The following GLG1 variants were observed in gnomAD, a reference collection of about 807,000 sequenced individuals.
GLG1 encodes Golgi apparatus protein 1.
A neutral mutation model predicts 160.5 loss-of-function variants in GLG1; 38 were observed. The ratio of observed to expected loss-of-function variants is 0.24; its 90% confidence interval spans 0.18 to 0.31. The LOEUF (loss-of-function observed/expected upper bound fraction) is 0.31, where lower values mean the gene tolerates loss of function less well. Ranked by LOEUF, GLG1 falls within the 10% of genes least tolerant of loss-of-function variation. GLG1 has a pLI of 1.00. For synonymous variants in GLG1, 644 were observed against 543.4 expected, an observed-to-expected ratio of 1.19 and a Z score of -2.57; for missense variants, 1,373 against 1,505.2, an observed-to-expected ratio of 0.91 and a Z score of 1.45.
intron 3 of GLG1, among the ~76,000 whole-genome samples, chr16:74,504,315 C>T (rs8046927): frequency 0.99 from 150,791 of 152,250 alleles, 74,707 homozygotes; most frequent in East Asian, 1. Flanking sequence ...TGAGGCAGAG[C>T]CTTGCTCTGT....
chr16:74,540,844 A>C (rs1367723700), intron 1 of GLG1, among the ~76,000 whole-genome samples: 1 of 152,222 alleles, frequency 6.6e-6, no homozygotes, highest in Admixed American at 6.5e-5. Flanking sequence ...CGGCAGGCAC[A>C]CAGCTATCAA....
chr16:74,452,494 G>C lies in GLG1; in HGVS notation c.*673C>G, dbSNP rs1597210175. On this transcript the variant is annotated 3_prime_UTR_variant, in exon 26 of 26. Transcript: ENST00000422840. ...GGAGACCACAGAAATACCCATGGCT[G>C]TGGGGCTGTGACCAGCAGTGGCTGA... The C allele has an allele frequency of 9.6e-7, 1 of 1,040,376 alleles. No homozygotes were observed. Among genetic ancestry groups the C allele is most frequent in the African/African-American group, 1.7e-5 (1 of 60,032 alleles). 64.4% of individuals were successfully genotyped at this position (1,040,376 alleles called of 1,614,324 possible).
intron 1 of GLG1, among the ~76,000 whole-genome samples, chr16:74,586,470 A>G (rs972677967): frequency 6.6e-6 from 1 of 152,006 alleles, no homozygotes; most frequent in Non-Finnish European, 1.5e-5. Context: ...TCCATTGGGC[A>G]ATGGAAAGAT....
intron 2 of GLG1, among the ~76,000 whole-genome samples, chr16:74,514,422 A>C (rs6564133): frequency 1.3e-5 from 2 of 152,328 alleles, no homozygotes; most frequent in South Asian, 4.1e-4. Context: ...GGGAAGCCCA[A>C]CAGACTAACA....
At chr16:74,521,748 G>A (rs192278508) in intron 2 of GLG1, among the ~76,000 whole-genome samples, 173 of 152,292 alleles carry the variant, frequency 1.1e-3, no homozygotes, top group Middle Eastern at 3.4e-3. Context: ...CAGGAGGACA[G>A]CATCAACTGT....
intron 1 of GLG1, among the ~76,000 whole-genome samples, chr16:74,542,620 C>A (rs1172195081): frequency 6.8e-6 from 1 of 146,304 alleles, no homozygotes; most frequent in African/African-American, 2.5e-5. Flanking sequence ...TGCAGTGAGC[C>A]GAGATTGCAT....
intron 25 of GLG1, among the ~76,000 whole-genome samples, chr16:74,456,151 T>C (rs1004845386): frequency 6.6e-6 from 1 of 152,230 alleles, no homozygotes; most frequent in Non-Finnish European, 1.5e-5. Flanking sequence ...GCTGGATTTC[T>C]TTCTTTTGCC....
chr16:74,576,347 A>G (rs927515644), intron 1 of GLG1, among the ~76,000 whole-genome samples: 2 of 152,218 alleles, frequency 1.3e-5, no homozygotes, highest in African/African-American at 4.8e-5. Context: ...AATACAGCCA[A>G]ACATTTTTCT....
chr16:74,457,513 G>C (rs991899749), intron 24 of GLG1, among the ~76,000 whole-genome samples: 2 of 152,160 alleles, frequency 1.3e-5, no homozygotes, highest in Admixed American at 6.6e-5. Flanking sequence ...CCTGTCTACT[G>C]AGTCCACTGT....
intron 2 of GLG1, among the ~76,000 whole-genome samples, chr16:74,515,390 T>C (rs891115991): frequency 1.4e-4 from 21 of 152,280 alleles, no homozygotes; most frequent in East Asian, 3.9e-4. Context: ...TATCACATAA[T>C]TGGAAGTAGA....
At chr16:74,598,868 C>A (rs1958369802) in intron 1 of GLG1, among the ~76,000 whole-genome samples, 1 of 151,134 alleles carries the variant, frequency 6.6e-6, no homozygotes, top group Non-Finnish European at 1.5e-5. Context: ...TGAGCAAGAG[C>A]GAAACTCCAC....
intron 10 of GLG1, among the ~76,000 whole-genome samples, chr16:74,480,862 T>C (rs534777888): frequency 2.3e-4 from 35 of 152,166 alleles, no homozygotes; most frequent in Non-Finnish European, 4.4e-4. Context: ...GTGAATTTTG[T>C]TCTTAATGAA....
At chr16:74,460,076 C>A (rs2014726521) in intron 22 of GLG1, among the ~76,000 whole-genome samples, 1 of 149,454 alleles carries the variant, frequency 6.7e-6, no homozygotes, top group South Asian at 2.1e-4. Flanking sequence ...GGCTGAAGTA[C>A]AATGGCACGA....
chr16:74,528,963 T>G (rs2017437527), intron 2 of GLG1, among the ~76,000 whole-genome samples: 1 of 132,236 alleles, frequency 7.6e-6, no homozygotes, highest in African/African-American at 2.9e-5. Context: ...TATCCCATTC[T>G]GTCTGCCTTT....
chr16:74,499,997 C>A lies in GLG1; in HGVS notation c.775-3353G>T, dbSNP rs576277113. ...CAGCCTGGGCGACAGAGTGAGACTC[C>A]GTCTCAACAACAACACCAAAATAAA... On this transcript the variant is annotated intron_variant, in intron 4 of 25. Transcript: ENST00000422840. Among the ~76,000 whole-genome samples the A allele has an allele frequency of 1.2e-3, 178 of 152,156 alleles. 1 individual carries two copies. The highest frequency in any genetic ancestry group is 4.1e-3 in the African/African-American group (170 of 41,518).
At chr16:74,586,084 G>C (rs1293303953) in intron 1 of GLG1, among the ~76,000 whole-genome samples, 4 of 146,724 alleles carry the variant, frequency 2.7e-5, no homozygotes, top group African/African-American at 1.0e-4. Context: ...AAAAAAACAA[G>C]AACAGGTGGT....
chr16:74,565,549 A>G (rs964378539), intron 1 of GLG1, among the ~76,000 whole-genome samples: 5 of 152,180 alleles, frequency 3.3e-5, no homozygotes, highest in African/African-American at 1.2e-4. Flanking sequence ...TCACTCATAG[A>G]CCGCCAACTG....
At chr16:74,468,806 T>A in intron 17 of GLG1, 140 bp downstream of exon 17, 1 of 656,134 alleles carries the variant, frequency 1.5e-6, no homozygotes, top group Non-Finnish European at 2.8e-6. Flanking sequence ...AATGGTCGTA[T>A]GTTAAAACTT....
rs1262010194 is a variant in GLG1 at position 74,498,954 on chromosome 16, AT to A, written c.775-2311del. On this transcript the variant is annotated intron_variant, in intron 4 of 25. Coordinates refer to ENST00000422840, the MANE Select transcript of GLG1 (RefSeq NM_001145667.2). ...AAATTTCAAATCAACCAAAGAATGTATTTTTTTCTATTTTAATTAAAGGATT... is the reference window on the plus strand; with the variant it reads ...AAATTTCAAATCAACCAAAGAATGTATTTTTTCTATTTTAATTAAAGGATT... 2.0e-5 allele frequency among the ~76,000 whole-genome samples: 3 copies of A among 150,202 alleles called. No homozygotes were observed. In the East Asian group the frequency reaches 5.9e-4, roughly 29 times the overall value.
Sources: allele counts gnomAD v4.1 joint callset (sites outside exome capture counted in the v4.1 genomes callset), GRCh38; gene constraint gnomAD v4.1.1; transcripts MANE v1.5; gene names NCBI Gene and HGNC (gene_info 2026-07-23, HGNC 2026-07-21).